The following RPS6KC1 variants were observed in gnomAD, a reference collection of about 807,000 sequenced individuals.
RPS6KC1 encodes inactive ribosomal protein S6 kinase delta-1.
RPS6KC1 carries 54 observed loss-of-function variants against 103.8 expected under a neutral mutation model. That is an observed-to-expected ratio of 0.52 (90% CI 0.42 to 0.65). The LOEUF (loss-of-function observed/expected upper bound fraction) is 0.65. RPS6KC1 is among the 30% of genes least tolerant of loss of function. The pLI is 0.00. For missense variants in RPS6KC1, 1,151 were observed against 1,253.8 expected (o/e 0.92, Z 1.24); for synonymous variants, 439 against 438.7 (o/e 1.00, Z -0.01).
At chr1:213,371,501 T>C in the RPS6KC1 span, among the ~76,000 whole-genome samples, 2 of 152,200 alleles carry the variant, frequency 1.3e-5, no homozygotes, top group African/African-American at 4.8e-5. Flanking sequence ...ATGTTGAATA[T>C]TTTGAGAAAT....
At chr1:213,347,517 A>G in the RPS6KC1 span, among the ~76,000 whole-genome samples, 1 of 152,156 alleles carries the variant, frequency 6.6e-6, no homozygotes, top group Non-Finnish European at 1.5e-5. Context: ...CAGCCTGGTC[A>G]ACATAGTGAA....
chr1:213,534,771 TTC>T, the RPS6KC1 span, among the ~76,000 whole-genome samples: 1 of 152,218 alleles, frequency 6.6e-6, no homozygotes, highest in Non-Finnish European at 1.5e-5. Context: ...ATAAGTATTA[TTC>T]ACTGTCCTTA....
chr1:213,311,339 C>T, the RPS6KC1 span, among the ~76,000 whole-genome samples: 42 of 152,186 alleles, frequency 2.8e-4, no homozygotes, highest in South Asian at 8.7e-3. Flanking sequence ...GGGGTTTCAC[C>T]GTGTTAGCCA....
intron 1 of RPS6KC1, among the ~76,000 whole-genome samples, chr1:213,057,318 G>GA (rs1394098453): frequency 6.6e-6 from 1 of 152,120 alleles, no homozygotes; most frequent in Non-Finnish European, 1.5e-5. Flanking sequence ...GGGTAGGCTG[G>GA]AAGGAGGCAG....
chr1:213,522,599 T>C, the RPS6KC1 span, among the ~76,000 whole-genome samples: 1 of 152,246 alleles, frequency 6.6e-6, no homozygotes, highest in East Asian at 1.9e-4. Flanking sequence ...TTTTGTTTAG[T>C]GTAGCCACCT....
At chr1:213,236,196 C>T (rs2094217079) in intron 10 of RPS6KC1, among the ~76,000 whole-genome samples, 1 of 152,154 alleles carries the variant, frequency 6.6e-6, no homozygotes, top group Non-Finnish European at 1.5e-5. Context: ...CCACCCACAC[C>T]CCTGTCCCCA....
At chr1:213,691,024 C>T in the RPS6KC1 span, among the ~76,000 whole-genome samples, 1 of 152,064 alleles carries the variant, frequency 6.6e-6, no homozygotes, top group African/African-American at 2.4e-5. Context: ...AGAAGTCCCT[C>T]ATCCCTCCAG....
chr1:213,316,577 T>C, the RPS6KC1 span, among the ~76,000 whole-genome samples: 12 of 152,360 alleles, frequency 7.9e-5, no homozygotes, highest in African/African-American at 2.6e-4. Context: ...ACAAGTAAGT[T>C]CCTGGCCTTG....
chr1:213,365,677 G>C, the RPS6KC1 span, among the ~76,000 whole-genome samples: 1 of 152,180 alleles, frequency 6.6e-6, no homozygotes, highest in Non-Finnish European at 1.5e-5. Flanking sequence ...CAGTCCAACA[G>C]GCTTTTTCTC....
chr1:213,207,677 T>C (rs944981571), intron 8 of RPS6KC1, among the ~76,000 whole-genome samples: 2 of 152,008 alleles, frequency 1.3e-5, no homozygotes, highest in Non-Finnish European at 1.5e-5. Context: ...ACCTTTTTTT[T>C]TGTTTGTTTG....
the RPS6KC1 span, among the ~76,000 whole-genome samples, chr1:213,487,370 T>C: frequency 1.3e-5 from 2 of 152,196 alleles, no homozygotes; most frequent in Non-Finnish European, 2.9e-5. Flanking sequence ...CACTCCAGCC[T>C]GGGTGACAAA....
the RPS6KC1 span, among the ~76,000 whole-genome samples, chr1:213,705,288 A>G: frequency 6.6e-6 from 1 of 152,130 alleles, no homozygotes; most frequent in Non-Finnish European, 1.5e-5. Flanking sequence ...TTAGAAGTCC[A>G]CCTGGTGTTC....
chr1:213,120,468 A>C (rs1200309076), intron 5 of RPS6KC1, among the ~76,000 whole-genome samples: 2 of 152,186 alleles, frequency 1.3e-5, no homozygotes, highest in Non-Finnish European at 2.9e-5. Flanking sequence ...GATTTACTTC[A>C]TACCAAAAGG....
At chr1:213,155,331 A>G (rs958639019) in intron 6 of RPS6KC1, among the ~76,000 whole-genome samples, 39 of 152,070 alleles carry the variant, frequency 2.6e-4, no homozygotes, top group African/African-American at 9.2e-4. Flanking sequence ...CTCGCCTACA[A>G]GTTGCAGTCC....
the RPS6KC1 span, among the ~76,000 whole-genome samples, chr1:213,653,957 C>A: frequency 1.3e-5 from 2 of 152,184 alleles, no homozygotes; most frequent in Non-Finnish European, 2.9e-5. Flanking sequence ...TAGTTTATAG[C>A]AGGGTCAGGA....
chr1:213,282,322 T>G, the RPS6KC1 span, among the ~76,000 whole-genome samples: 1 of 152,218 alleles, frequency 6.6e-6, no homozygotes, highest in Non-Finnish European at 1.5e-5. Context: ...AAGTTTCTGT[T>G]TCATGTTGTT....
At chr1:213,426,249 T>A in the RPS6KC1 span, among the ~76,000 whole-genome samples, 2 of 152,138 alleles carry the variant, frequency 1.3e-5, no homozygotes, top group South Asian at 4.1e-4. Flanking sequence ...ACCCTTTGGT[T>A]CAGTTTGGCT....
the RPS6KC1 span, among the ~76,000 whole-genome samples, chr1:213,670,177 C>G: frequency 1.3e-5 from 2 of 152,168 alleles, no homozygotes; most frequent in Middle Eastern, 3.2e-3. Context: ...CTGTGCTGTT[C>G]CTGTAGGTGA....
chr1:213,436,236 A>T, the RPS6KC1 span, among the ~76,000 whole-genome samples: 4 of 152,242 alleles, frequency 2.6e-5, no homozygotes, highest in Admixed American at 6.5e-5. Context: ...TAAATTAAAT[A>T]AAAAGTTCAG....
Sources: gnomAD v4.1 joint callset for allele counts (sites outside exome capture counted in the v4.1 genomes callset) on GRCh38, gnomAD v4.1.1 for gene constraint, MANE v1.5 for transcripts, NCBI Gene and HGNC (gene_info 2026-07-23, HGNC 2026-07-21) for gene names.